Variants in DLGAP1 observed in about 807,000 individuals in gnomAD.
DLGAP1 encodes disks large-associated protein 1.
In DLGAP1, 11 loss-of-function variants were observed where a neutral mutation model predicts 90.8. The ratio of observed to expected loss-of-function variants is 0.12; its 90% CI spans 0.08 to 0.20. The LOEUF (loss-of-function observed/expected upper bound fraction) is 0.20. DLGAP1 is among the 10% of genes least tolerant of loss of function. The probability of loss-of-function intolerance (pLI) is 1.00; values close to 1 mark genes in which losing one functional copy is unlikely to be tolerated. For missense variants in DLGAP1, 1,050 were observed against 1,333.8 expected (o/e 0.79, Z 3.31); for synonymous variants, 558 against 540.7 (o/e 1.03, Z -0.44).
intron 7 of DLGAP1, among the ~76,000 whole-genome samples, chr18:3,676,654 T>C (rs2060313352): frequency 1.3e-5 from 2 of 151,170 alleles, no homozygotes; most frequent in South Asian, 4.2e-4. Flanking sequence ...GTAATACCAT[T>C]ACCCTCAAGA....
At chr18:3,839,347 G>C (rs2068576867) in intron 4 of DLGAP1, among the ~76,000 whole-genome samples, 1 of 152,148 alleles carries the variant, frequency 6.6e-6, no homozygotes, top group Non-Finnish European at 1.5e-5. Context: ...GGGACAGGTA[G>C]AATTATTGGA....
chr18:3,609,181 C>T (rs907492476), intron 7 of DLGAP1, among the ~76,000 whole-genome samples: 3 of 152,016 alleles, frequency 2.0e-5, no homozygotes, highest in Non-Finnish European at 4.4e-5. Context: ...GTAGCTGGGA[C>T]TGCAGGTGTG....
intron 2 of DLGAP1, among the ~76,000 whole-genome samples, chr18:4,059,354 AT>A (rs1310433402): frequency 6.6e-6 from 1 of 152,182 alleles, no homozygotes; most frequent in Non-Finnish European, 1.5e-5. Context: ...ATCCCCAAGA[AT>A]TGGGAAAAGT....
rs148909089 is a variant in DLGAP1, at chr18:3,555,894, G to C, written c.2057+11596C>G. ...TTGCAGGAGAAATGTTTGAAGTAAA[G>C]TAAAGGAGACGACTTTCTCCTCCTT... On this transcript the variant is annotated intron_variant, in intron 9 of 12. Coordinates refer to ENST00000315677, the MANE Select transcript of DLGAP1 (RefSeq NM_004746.4). Among the ~76,000 whole-genome samples, 1,425 of 152,246 alleles carry C rather than the reference G, an allele frequency of 9.4e-3. 12 individuals carry two copies. Among genetic ancestry groups the C allele is most frequent in the Non-Finnish European group, 0.015 (1,010 of 68,014 alleles).
intron 2 of DLGAP1, among the ~76,000 whole-genome samples, chr18:4,027,228 T>G (rs2074715037): frequency 6.6e-6 from 1 of 151,920 alleles, no homozygotes; most frequent in African/African-American, 2.4e-5. Flanking sequence ...TAATGTGGTC[T>G]GGTGTGGTGG....
At chr18:4,346,002 G>T (rs11661967) in intron 1 of DLGAP1, among the ~76,000 whole-genome samples, 1 of 152,062 alleles carries the variant, frequency 6.6e-6, no homozygotes, top group Non-Finnish European at 1.5e-5. Context: ...TCCCGGGGAA[G>T]ATCTAAGTAG....
intron 2 of DLGAP1, among the ~76,000 whole-genome samples, chr18:4,120,977 G>T (rs551241998): frequency 4.6e-5 from 7 of 152,162 alleles, no homozygotes; most frequent in Non-Finnish European, 7.3e-5. Context: ...CATGGTGGTG[G>T]TTGGAGGAGG....
chr18:4,429,298 A>G (rs1392018621), intron 1 of DLGAP1, among the ~76,000 whole-genome samples: 2 of 152,244 alleles, frequency 1.3e-5, no homozygotes, highest in African/African-American at 4.8e-5. Flanking sequence ...TAAAGGTATT[A>G]TTGCTGAATT....
intron 3 of DLGAP1, among the ~76,000 whole-genome samples, chr18:3,958,179 G>C (rs149109385): frequency 0.011 from 1,710 of 152,114 alleles, 37 homozygotes; most frequent in African/African-American, 0.039. Flanking sequence ...AAAGTGCTGG[G>C]ATTACAGGCA....
intron 1 of DLGAP1, among the ~76,000 whole-genome samples, chr18:4,236,219 T>G (rs2078412205): frequency 1.3e-5 from 2 of 152,274 alleles, no homozygotes; most frequent in South Asian, 4.1e-4. Context: ...TTTCAATCAG[T>G]AAGTACATGA....
chr18:4,265,845 A>T (rs1050286665), intron 1 of DLGAP1, among the ~76,000 whole-genome samples: 2 of 151,246 alleles, frequency 1.3e-5, no homozygotes, highest in Non-Finnish European at 2.9e-5. Context: ...GTGCCATCAT[A>T]CCTGGCTACT....
At chr18:3,941,191 C>T (rs142440802) in intron 3 of DLGAP1, among the ~76,000 whole-genome samples, 258 of 152,226 alleles carry the variant, frequency 1.7e-3, no homozygotes, top group African/African-American at 5.6e-3. Context: ...CAAATAGAAC[C>T]GGTAACTGGA....
intron 10 of DLGAP1, among the ~76,000 whole-genome samples, chr18:3,515,332 G>A (rs562357730): frequency 3.9e-5 from 6 of 151,960 alleles, no homozygotes; most frequent in South Asian, 2.1e-4. Context: ...TTAGCCAGGC[G>A]TGGTGGCGGG....
chr18:4,285,676 T>C (rs2079670329), intron 1 of DLGAP1, among the ~76,000 whole-genome samples: 1 of 152,090 alleles, frequency 6.6e-6, no homozygotes, highest in Admixed American at 6.6e-5. Flanking sequence ...CATACAGAAA[T>C]CGGCAGTGAG....
At chr18:4,408,186 C>T (rs993060641) in intron 1 of DLGAP1, among the ~76,000 whole-genome samples, 1 of 152,056 alleles carries the variant, frequency 6.6e-6, no homozygotes, top group African/African-American at 2.4e-5. Context: ...AAAAGTTATT[C>T]TTGATCAGAG....
chr18:3,754,874 G>A (rs184635228), intron 5 of DLGAP1, among the ~76,000 whole-genome samples: 2 of 151,874 alleles, frequency 1.3e-5, no homozygotes, highest in East Asian at 1.9e-4. Flanking sequence ...CCAGCGTGGC[G>A]ACAGAGCAAG....
At chr18:4,181,825 GAAATTAGGGGAGC>G (rs2077213437) in intron 1 of DLGAP1, among the ~76,000 whole-genome samples, 1 of 152,034 alleles carries the variant, frequency 6.6e-6, no homozygotes, top group Non-Finnish European at 1.5e-5. Context: ...TCCAAAAAAA[GAAATTAGGGGAGC>G]CCTTACTGAG....
At chr18:3,907,327 T>C (rs1011059557) in intron 3 of DLGAP1, among the ~76,000 whole-genome samples, 6 of 152,234 alleles carry the variant, frequency 3.9e-5, no homozygotes, top group Non-Finnish European at 8.8e-5. Flanking sequence ...AAATTATTTC[T>C]TGAACCTCAG....
intron 4 of DLGAP1, among the ~76,000 whole-genome samples, chr18:3,822,636 C>T (rs992060338): frequency 3.3e-5 from 5 of 152,184 alleles, no homozygotes; most frequent in African/African-American, 1.2e-4. Flanking sequence ...GGTGATGAAA[C>T]TGTTCCTTAA....
Sources: allele counts gnomAD v4.1 joint callset (sites outside exome capture counted in the v4.1 genomes callset), GRCh38; gene constraint gnomAD v4.1.1; transcripts MANE v1.5; gene names NCBI Gene and HGNC (gene_info 2026-07-23, HGNC 2026-07-21).